Variants in OR3A2 observed in about 807,000 individuals in gnomAD.
OR3A2 encodes the protein olfactory receptor 3A2.
For synonymous variants in OR3A2, 126 were observed against 159.3 expected, an observed-to-expected ratio of 0.79 and a Z score of 1.57; for missense variants, 318 against 392.8, an observed-to-expected ratio of 0.81 and a Z score of 1.61.
chr17:3,353,130 T>C (rs2150654965), intron 2 of OR3A2, among the ~76,000 whole-genome samples: 1 of 146,138 alleles, frequency 6.8e-6, no homozygotes, highest in African/African-American at 2.5e-5. Context: ...TTTTTTTTTT[T>C]TGAAGGGTAT....
intron 2 of OR3A2, among the ~76,000 whole-genome samples, chr17:3,361,900 G>A (rs1258096766): frequency 1.3e-5 from 2 of 151,506 alleles, no homozygotes; most frequent in East Asian, 1.9e-4. Flanking sequence ...GTCTCTGCCC[G>A]GCTTTGGTAT....
intron 2 of OR3A2, among the ~76,000 whole-genome samples, chr17:3,340,386 C>T (rs2049307059): frequency 1.3e-5 from 2 of 152,184 alleles, no homozygotes; most frequent in South Asian, 4.1e-4. Flanking sequence ...ATCTTTCCTG[C>T]TTTCTCTTGT....
At chr17:3,310,848 T>G in intron 3 of OR3A2, 1 of 1,040,864 alleles carries the variant, frequency 9.6e-7, no homozygotes, top group South Asian at 1.2e-5. Context: ...GATCAATCAC[T>G]TCTACTGTGA....
chr17:3,325,104 G>A (rs1332507119), intron 3 of OR3A2, among the ~76,000 whole-genome samples: 2 of 147,126 alleles, frequency 1.4e-5, no homozygotes, highest in African/African-American at 5.1e-5. Context: ...TATATCTTAT[G>A]TTTTATACTT....
chr17:3,323,464 A>G (rs143469400), intron 3 of OR3A2, among the ~76,000 whole-genome samples: 2,647 of 152,088 alleles, frequency 0.017, 101 homozygotes, highest in African/African-American at 0.059. Context: ...GATGGTCTTT[A>G]TAATTTGGCA....
intron 2 of OR3A2, among the ~76,000 whole-genome samples, chr17:3,382,540 A>G (rs2049746304): frequency 6.6e-6 from 1 of 152,332 alleles, no homozygotes; most frequent in East Asian, 1.9e-4. Context: ...CCTTCAGGTG[A>G]GAAAACCCAA....
At chr17:3,382,234 C>T (rs2049742337) in intron 2 of OR3A2, among the ~76,000 whole-genome samples, 1 of 152,192 alleles carries the variant, frequency 6.6e-6, no homozygotes, top group South Asian at 2.1e-4. Context: ...CTCTATCTAA[C>T]AGGCAACGGG....
In OR3A2 at chr17:3,316,678, C is replaced by T. The variant is rs116874586; in HGVS notation, c.-85+19355G>A. On this transcript the variant is annotated intron_variant, in intron 3 of 4. Coordinates refer to the OR3A2 transcript ENST00000573491. The stretch of plus-strand genomic sequence containing the variant: ...AATAGGAAGGCCAGCTTTTATTATT[C>T]TCACTTCACAGATGACAGATTCGGT... Among the ~76,000 whole-genome samples, 695 of 152,302 alleles carry T rather than the reference C, an allele frequency of 4.6e-3. 3 individuals carry two copies. Among genetic ancestry groups the T allele is most frequent in the Middle Eastern group, 6.8e-3 (2 of 294 alleles).
chr17:3,382,778 G>T (rs1348411793), intron 2 of OR3A2, among the ~76,000 whole-genome samples: 1 of 152,104 alleles, frequency 6.6e-6, no homozygotes, highest in Non-Finnish European at 1.5e-5. Context: ...AAATCAGCTC[G>T]AATTCCACTT....
At chr17:3,368,128 A>G (rs1421795065) in intron 2 of OR3A2, among the ~76,000 whole-genome samples, 2 of 151,940 alleles carry the variant, frequency 1.3e-5, no homozygotes, top group Non-Finnish European at 2.9e-5. Flanking sequence ...TAGATTCTGG[A>G]TATTAGTGCT....
chr17:3,288,529 C>T (rs1256854673), upstream of OR3A2, among the ~76,000 whole-genome samples: 5 of 152,136 alleles, frequency 3.3e-5, no homozygotes, highest in Admixed American at 2.0e-4. Flanking sequence ...AATGTATCCC[C>T]GTTGTAGAGT....
intron 2 of OR3A2, among the ~76,000 whole-genome samples, chr17:3,382,899 G>A (rs1357958505): frequency 2.0e-5 from 3 of 152,118 alleles, no homozygotes; most frequent in Non-Finnish European, 4.4e-5. Context: ...CAAGGACAAC[G>A]ACTGGCCTTT....
rs1475142257 is a variant in OR3A2, at chr17:3,295,981, A to T, written c.-84-16828T>A. 1.1e-4 allele frequency among the ~76,000 whole-genome samples: 16 copies of T among 152,178 alleles called. 1 individual carries two copies. The highest frequency in any genetic ancestry group is 1.0e-3 in the Admixed American group (16 of 15,274). The stretch of plus-strand genomic sequence containing the variant: ...AGTGGATTTTAGTGACTTTCAGTCC[A>T]TATAAATTTAAGTTGGCAGAATAAA... On this transcript the variant is annotated intron_variant, in intron 3 of 4. Coordinates refer to the OR3A2 transcript ENST00000573491.
In OR3A2 at chr17:3,310,728, A is replaced by G. The variant is rs759333325; in HGVS notation, c.-85+25305T>C. The G allele has an allele frequency of 4.0e-5, 22 of 548,234 alleles. 1 individual carries two copies. The Admixed American group carries it at 4.2e-4, about 11-fold the overall frequency. The allele number at this position is 548,234 out of a possible 1,614,324, so 34.0% of individuals were successfully genotyped here. On this transcript the variant is annotated intron_variant, in intron 3 of 4. Coordinates refer to the OR3A2 transcript ENST00000573491. ...GTCCCTCACCTACAGCAGCCGCATG[A>G]GCTGGGGAATCCAGCAAGCCCTGGT...
At chr17:3,335,822 G>T (rs4790468) in intron 3 of OR3A2, among the ~76,000 whole-genome samples, 1 of 152,150 alleles carries the variant, frequency 6.6e-6, no homozygotes, top group Non-Finnish European at 1.5e-5. Flanking sequence ...GTTTGTTTAA[G>T]AATACACCAC....
At chr17:3,359,769 C>T (rs1314432313) in intron 2 of OR3A2, among the ~76,000 whole-genome samples, 3 of 151,710 alleles carry the variant, frequency 2.0e-5, no homozygotes, top group Admixed American at 6.6e-5. Context: ...TTTATGGCTG[C>T]ATAGTATTCC....
intron 3 of OR3A2, among the ~76,000 whole-genome samples, chr17:3,316,411 A>G (rs950394863): frequency 6.6e-6 from 1 of 152,204 alleles, no homozygotes; most frequent in Non-Finnish European, 1.5e-5. Context: ...CTACTTGGAG[A>G]TGATCTCACA....
At chr17:3,332,036 G>C (rs1328597348) in intron 3 of OR3A2, among the ~76,000 whole-genome samples, 3 of 149,392 alleles carry the variant, frequency 2.0e-5, no homozygotes, top group Non-Finnish European at 4.5e-5. Context: ...CGGGGGTCAG[G>C]GGTCAGGGAC....
In OR3A2 at chr17:3,382,663, C is replaced by A. The variant is rs139465934; in HGVS notation, c.-179+1141G>T. On this transcript the variant is annotated intron_variant, in intron 2 of 4. Coordinates refer to the OR3A2 transcript ENST00000573491. The stretch of plus-strand genomic sequence containing the variant: ...AGGCCACATTTTAGCTCTAAGCAAC[C>A]CACAAAACATCTTCTTATACCTTCA... Among the ~76,000 whole-genome samples, 577 of 152,338 alleles carry A rather than the reference C, an allele frequency of 3.8e-3. 6 individuals carry two copies. Among genetic ancestry groups the A allele is most frequent in the African/African-American group, 0.013 (534 of 41,576 alleles).
Sources: allele counts gnomAD v4.1 joint callset (sites outside exome capture counted in the v4.1 genomes callset), GRCh38; gene constraint gnomAD v4.1.1; transcripts MANE v1.5; gene names NCBI Gene and HGNC (gene_info 2026-07-23, HGNC 2026-07-21).